CFLAR: variants seen among roughly 807,000 people sequenced by gnomAD.
CFLAR encodes the protein CASP8 and FADD like apoptosis regulator.
Under a neutral mutation model 51.1 loss-of-function variants are expected in CFLAR, and 14 were observed. The observed-to-expected ratio is 0.27, with a 90% confidence interval of 0.18 to 0.43. The LOEUF is 0.43. Ranked by LOEUF, CFLAR falls within the 20% of genes least tolerant of loss-of-function variation. CFLAR has a pLI of 1.00. For synonymous variants in CFLAR, 210 were observed against 211.6 expected, an observed-to-expected ratio of 0.99 and a Z score of 0.06; for missense variants, 390 against 566.5, an observed-to-expected ratio of 0.69 and a Z score of 3.16.
chr2:201,153,608 T>A (rs948632576), intron 8 of CFLAR: 1 of 152,292 alleles, frequency 6.6e-6, no homozygotes. Flanking sequence ...ATTGAACACT[T>A]GGGAGGAGTG....
Position 201,170,818 on chromosome 2 carries a change from T to A in CFLAR, c.*6845T>A, listed in dbSNP as rs1367985739. 3.9e-5 allele frequency: 6 copies of A among 152,258 alleles called. No homozygotes were observed. Among genetic ancestry groups the A allele is most frequent in the African/African-American group, 1.2e-4 (5 of 41,468 alleles). The allele number at this position is 152,258 out of a possible 1,614,324, so 9.4% of individuals were successfully genotyped here. A position where few individuals can be genotyped will look rare whatever the true frequency, so the allele number is the denominator to read the frequency against. ...ATGTTGTGAATATTTTCCTATATTA[T>A]GAAATATCATTAGCTGAGCTTTTAG... is the stretch of plus-strand genomic sequence containing the variant. On this transcript the variant is annotated 3_prime_UTR_variant, in exon 10 of 10. Transcript: ENST00000309955.
In CFLAR at chr2:201,138,337, C is replaced by T; in HGVS notation, c.524-2020C>T. 2.6e-6 allele frequency: 2 copies of T among 770,756 alleles called. No homozygotes were observed. Among genetic ancestry groups the T allele is most frequent in the Admixed American group, 3.4e-5 (2 of 58,480 alleles). 47.7% of individuals were successfully genotyped at this position (770,756 alleles called of 1,614,324 possible). A position where few individuals can be genotyped will look rare whatever the true frequency, so the allele number is the denominator to read the frequency against. On this transcript the variant is annotated intron_variant, in intron 4 of 9. Coordinates refer to ENST00000309955, the MANE Select transcript of CFLAR (RefSeq NM_003879.7). The surrounding 1 kb of genome is among the most constrained non-coding windows in gnomAD (Gnocchi z 4.0). ...CCACAGCTGCCCCGCCCAGCAGCTG[C>T]TCATGGGAATCCTTGGAGGCCACAG...
chr2:201,154,328 A>G (rs539857884), intron 8 of CFLAR: 8 of 163,292 alleles, frequency 4.9e-5, no homozygotes, highest in South Asian at 4.8e-4. Flanking sequence ...TGACCTTGTG[A>G]TCTGCCCACC....
intron 1 of CFLAR, among the ~76,000 whole-genome samples, chr2:201,127,803 C>T (rs1372964048): frequency 6.6e-6 from 1 of 152,202 alleles, no homozygotes; most frequent in African/African-American, 2.4e-5. Context: ...CCAAACTCTA[C>T]CCCCGTTAGC....
intron 5 of CFLAR, chr2:201,141,816 T>C (rs1047634135): frequency 3.8e-5 from 8 of 211,532 alleles, no homozygotes; most frequent in Non-Finnish European, 6.6e-5. Flanking sequence ...TGTAATCTTA[T>C]CCTCATGTTC....
chr2:201,166,365 AG>A lies in CFLAR; in HGVS notation c.*2395del, dbSNP rs1181057444. ...CGGAGACGCTCCTCACTTCCCAGAC[AG>A]GGTGGCTGTCGGGCGGAGGGGCTCC... is the stretch of plus-strand genomic sequence containing the variant. On this transcript the variant is annotated 3_prime_UTR_variant, in exon 10 of 10. Transcript: ENST00000309955. 6.4e-6 allele frequency: 1 copy of A among 156,712 alleles called. No homozygotes were observed. The highest frequency in any genetic ancestry group is 1.3e-5 in the Non-Finnish European group (1 of 75,422). 9.7% of individuals were successfully genotyped at this position (156,712 alleles called of 1,614,324 possible).
Position 201,138,833 on chromosome 2 carries a change from C to CA in CFLAR, c.524-1524_524-1523insA, listed in dbSNP as rs2050527289. 7 of 740,216 alleles carry CA rather than the reference C, an allele frequency of 9.5e-6. No homozygotes were observed. The highest frequency in any genetic ancestry group is 1.5e-5 in the Non-Finnish European group (6 of 400,764). The allele number at this position is 740,216 out of a possible 1,614,324, so 45.9% of individuals were successfully genotyped here. ...GAGCCATCACGATGGCCAGGTCGGC[C>CA]TCTGTCACAGTGTCCATGGGGGAGG... On this transcript the variant is annotated intron_variant, in intron 4 of 9. Coordinates refer to ENST00000309955, the MANE Select transcript of CFLAR (RefSeq NM_003879.7). The surrounding 1 kb of genome is among the most constrained non-coding windows in gnomAD (Gnocchi z 4.0).
At chr2:201,139,997 C>T (rs1483251919) in intron 4 of CFLAR, 2 of 294,012 alleles carry the variant, frequency 6.8e-6, no homozygotes, top group Admixed American at 8.6e-5. Context: ...GACCACGTAG[C>T]CGGTGCTGCT....
At chr2:201,137,559 C>A in intron 4 of CFLAR, 1 of 710,624 alleles carries the variant, frequency 1.4e-6, no homozygotes, top group South Asian at 1.4e-5. Context: ...ATGGATGCCA[C>A]CGTCGATCTG....
intron 5 of CFLAR, among the ~76,000 whole-genome samples, chr2:201,144,474 A>G (rs1475732012): frequency 2.6e-5 from 4 of 152,256 alleles, no homozygotes; most frequent in Non-Finnish European, 4.4e-5. Flanking sequence ...ATGTACTTCC[A>G]TGTGCTTGGC....
At chr2:201,141,301 A>G (rs1218443138) in intron 5 of CFLAR, 25 of 1,507,334 alleles carry the variant, frequency 1.7e-5, no homozygotes, top group Admixed American at 6.7e-5. Flanking sequence ...AGCTGTTGTG[A>G]ACTAGTTCAT....
chr2:201,155,565 A>G (rs1942029819), intron 8 of CFLAR, among the ~76,000 whole-genome samples: 1 of 152,100 alleles, frequency 6.6e-6, no homozygotes, highest in Non-Finnish European at 1.5e-5. Flanking sequence ...CACCTGGCCA[A>G]GAGGAAGTAT....
At chr2:201,148,754 G>A in intron 6 of CFLAR, 1 of 419,942 alleles carries the variant, frequency 2.4e-6, no homozygotes, top group Non-Finnish European at 4.4e-6. Flanking sequence ...GTAGGGGAGA[G>A]CCTTCTTTCA....
chr2:201,149,793 C>T lies in CFLAR; in HGVS notation c.751C>T (p.Leu251=). The part of the protein sequence containing the change: ...EERYKMKSKP[L]GICLIIDCIG... ...GAGATACAAGATGAAGAGCAAGCCC[C>T]TAGGAATCTGCCTGATAATCGATTG... Residue 251 remains leucine (L), a synonymous_variant, in exon 8 of 10, where the codon CTA becomes TTA. Transcript: ENST00000309955. The T allele has an allele frequency of 6.2e-7, 1 of 1,613,932 alleles. No individual in the cohort carries two copies. Among genetic ancestry groups the T allele is most frequent in the Non-Finnish European group, 8.5e-7 (1 of 1,179,844 alleles).
Position 201,160,467 on chromosome 2 carries a change from G to A in CFLAR, c.829G>A (p.Glu277Lys). 1 of 1,613,750 alleles carries A rather than the reference G, an allele frequency of 6.2e-7. No individual in the cohort carries two copies. The highest frequency in any genetic ancestry group is 1.1e-5 in the South Asian group (1 of 91,072). Reference sequence around the variant, plus strand: ...AGACACCTTCACTTCCCTGGGCTATGAAGTCCAGAAATTCTTGCATCTCAG... The same window carrying A: ...AGACACCTTCACTTCCCTGGGCTATAAAGTCCAGAAATTCTTGCATCTCAG... ...LRDTFTSLGY[E>K]VQKFLHLSMH... The change falls in exon 9 of 10, where the codon GAA becomes AAA. Residue 277 changes from glutamate (E) to lysine (K), a missense_variant. By Grantham distance (56) the Glu-to-Lys change is moderately conservative (BLOSUM62 1). Around this residue, in one of 2 missense-constraint regions of CFLAR, gnomAD observed 287 missense variants for 363.6 expected, o/e 0.79. Coordinates refer to ENST00000309955, the MANE Select transcript of CFLAR (RefSeq NM_003879.7).
intron 4 of CFLAR, chr2:201,137,041 C>A: frequency 5.6e-6 from 1 of 177,046 alleles, no homozygotes; most frequent in Non-Finnish European, 1.2e-5. Flanking sequence ...GGGAAGGGGG[C>A]AGAGACCTCC....
intron 6 of CFLAR, among the ~76,000 whole-genome samples, chr2:201,147,267 G>A (rs1426304497): frequency 6.6e-6 from 1 of 152,160 alleles, no homozygotes; most frequent in Non-Finnish European, 1.5e-5. Context: ...GGTAGCTCAT[G>A]CCTGTAGTCC....
At chr2:201,142,294 A>C (rs903146923) in intron 5 of CFLAR, among the ~76,000 whole-genome samples, 1 of 144,506 alleles carries the variant, frequency 6.9e-6, no homozygotes, top group Admixed American at 6.9e-5. Context: ...AAAAAATATT[A>C]TATATATATA....
intron 2 of CFLAR, 37 bp downstream of exon 2, chr2:201,130,183 G>GGGGA: frequency 4.7e-6 from 4 of 854,250 alleles, no homozygotes; most frequent in South Asian, 1.9e-5. Context: ...GGGTGGGTGG[G>GGGGA]AGGGAGTGAA....
Sources: allele counts gnomAD v4.1 joint callset (sites outside exome capture counted in the v4.1 genomes callset), GRCh38; gene constraint gnomAD v4.1.1; regional missense constraint gnomAD v4.1.1; non-coding constraint Gnocchi (gnomAD v3.1); transcripts MANE v1.5; gene names NCBI Gene and HGNC (gene_info 2026-07-23, HGNC 2026-07-21).